ATP9B: variants seen among roughly 807,000 people sequenced by gnomAD.
ATP9B encodes ATPase phospholipid transporting 9B.
In ATP9B, 110 loss-of-function variants were observed where a neutral mutation model predicts 146.1. The observed-to-expected ratio is 0.75, with a 90% CI of 0.65 to 0.88. The LOEUF (loss-of-function observed/expected upper bound fraction) is 0.88, where lower values mean the gene tolerates loss of function less well. Among genes scored for constraint, ATP9B ranks in the 40% least tolerant of loss-of-function variants. The pLI, the probability that ATP9B is intolerant of heterozygous loss-of-function variation, is 0.00. For missense variants in ATP9B, 1,499 were observed against 1,496.4 expected, an observed-to-expected ratio of 1.00 and a Z score of -0.03; for synonymous variants, 604 against 569.7, an observed-to-expected ratio of 1.06 and a Z score of -0.86.
chr18:79,271,912 C>G (rs1312635900), intron 12 of ATP9B, among the ~76,000 whole-genome samples: 1 of 152,142 alleles, frequency 6.6e-6, no homozygotes, highest in Non-Finnish European at 1.5e-5. Flanking sequence ...TGTTTCCTGA[C>G]TTTCTAATGA....
At chr18:79,104,405 G>A (rs1449296799) in intron 2 of ATP9B, among the ~76,000 whole-genome samples, 2 of 152,128 alleles carry the variant, frequency 1.3e-5, no homozygotes, top group African/African-American at 4.8e-5. Flanking sequence ...CAGACCCTGT[G>A]TGTTGTGGAA....
rs939843980 is a variant in ATP9B, at chr18:79,069,419, C to T, written c.9C>T (p.Asp3=). Residue 3 remains aspartate, a synonymous_variant, in exon 1 of 30, where the codon GAC becomes GAT. Transcript: ENST00000426216. MA[D]QIPLYPVRSA... The stretch of plus-strand genomic sequence containing the variant: ...AAAGGGGCGGTCGGAACATGGCGGA[C>T]CAGATCCCGCTTTACCCGGTGCGTA... The T allele has an allele frequency of 3.3e-6, 5 of 1,517,804 alleles. No homozygotes were observed. Among genetic ancestry groups the T allele is most frequent in the Non-Finnish European group, 4.4e-6 (5 of 1,135,958 alleles). 94.0% of individuals were successfully genotyped at this position (1,517,804 alleles called of 1,614,324 possible). A position where few individuals can be genotyped will look rare whatever the true frequency, so the allele number is the denominator to read the frequency against.
intron 7 of ATP9B, among the ~76,000 whole-genome samples, chr18:79,156,541 A>G (rs1444992317): frequency 6.6e-6 from 1 of 152,166 alleles, no homozygotes; most frequent in Non-Finnish European, 1.5e-5. Context: ...CCATTATCAA[A>G]TGGACTCTAT....
intron 11 of ATP9B, among the ~76,000 whole-genome samples, chr18:79,221,924 G>T (rs1394599692): frequency 4.7e-4 from 29 of 62,084 alleles, no homozygotes; most frequent in Admixed American, 1.2e-3. Context: ...TTTTTTAGCT[G>T]CTTTAAAAAA....
chr18:79,111,550 G>T (rs373105347), intron 3 of ATP9B, among the ~76,000 whole-genome samples: 1 of 152,052 alleles, frequency 6.6e-6, no homozygotes, highest in Admixed American at 6.5e-5. Context: ...ATAAATATTC[G>T]CATCTTTATT....
At chr18:79,342,209 C>A in intron 19 of ATP9B, 59 bp from the exon 20 acceptor site, 1 of 1,321,560 alleles carries the variant, frequency 7.6e-7, no homozygotes, top group African/African-American at 1.4e-5. Context: ...TTATGTGAGA[C>A]ATCAGAAATG....
chr18:79,366,532 A>G (rs1236101196), intron 26 of ATP9B, among the ~76,000 whole-genome samples: 1 of 152,224 alleles, frequency 6.6e-6, no homozygotes, highest in Non-Finnish European at 1.5e-5. Context: ...TCTCCCTGTT[A>G]GCGATGAAGT....
chr18:79,363,113 A>G (rs569452949), intron 26 of ATP9B: 1 of 152,370 alleles, frequency 6.6e-6, no homozygotes, highest in East Asian at 1.9e-4. Flanking sequence ...CCACACACAT[A>G]CAACCTCCTA....
chr18:79,177,565 G>T (rs575245392), intron 8 of ATP9B, among the ~76,000 whole-genome samples: 7 of 152,130 alleles, frequency 4.6e-5, no homozygotes, highest in Non-Finnish European at 8.8e-5. Context: ...TTCTTATTTG[G>T]CTGTGTGCTC....
chr18:79,320,919 C>T (rs745376084), intron 15 of ATP9B, among the ~76,000 whole-genome samples: 6 of 151,900 alleles, frequency 3.9e-5, no homozygotes, highest in Non-Finnish European at 5.9e-5. Context: ...GGGTTTTATG[C>T]GGGGAGGGAG....
chr18:79,174,245 TGTAATG>T (rs2095125590), intron 7 of ATP9B: 2 of 371,044 alleles, frequency 5.4e-6, no homozygotes, highest in Non-Finnish European at 1.1e-5. Flanking sequence ...GAAGCTATAG[TGTAATG>T]GACTGCTGCG....
chr18:79,319,287 A>G (rs1263446074), intron 15 of ATP9B, among the ~76,000 whole-genome samples: 2 of 152,256 alleles, frequency 1.3e-5, no homozygotes, highest in African/African-American at 4.8e-5. Flanking sequence ...GAAGTGCTTC[A>G]ATAAGAAAAT....
At chr18:79,237,028 C>G (rs1182124149) in intron 11 of ATP9B, among the ~76,000 whole-genome samples, 1 of 38,256 alleles carries the variant, frequency 2.6e-5, no homozygotes, top group African/African-American at 1.7e-4. Flanking sequence ...GGTCCGTGCA[C>G]GAGTCAGTGT....
At chr18:79,232,299 C>T (rs2095800212) in intron 11 of ATP9B, among the ~76,000 whole-genome samples, 1 of 152,214 alleles carries the variant, frequency 6.6e-6, no homozygotes, top group African/African-American at 2.4e-5. Context: ...TAGCATGCTC[C>T]TCCTTCCCCA....
At chr18:79,165,687 T>C (rs1235025036) in intron 7 of ATP9B, among the ~76,000 whole-genome samples, 1 of 152,086 alleles carries the variant, frequency 6.6e-6, no homozygotes, top group African/African-American at 2.4e-5. Flanking sequence ...CCCAGCTCCA[T>C]GTGCAGGAAG....
At chr18:79,253,682 ATTC>A (rs1400684627) in intron 12 of ATP9B, 141 bp downstream of exon 12, 4 of 909,110 alleles carry the variant, frequency 4.4e-6, no homozygotes, top group Non-Finnish European at 6.3e-6. Context: ...ATCTTGAGGA[ATTC>A]TTCTGTGGAA....
chr18:79,371,979 C>T (rs2097073752), intron 26 of ATP9B, among the ~76,000 whole-genome samples: 1 of 152,240 alleles, frequency 6.6e-6, no homozygotes. Flanking sequence ...GACGTCTGCT[C>T]TGTGTAACTG....
chr18:79,129,871 G>A (rs180775579), intron 5 of ATP9B, among the ~76,000 whole-genome samples: 2 of 152,170 alleles, frequency 1.3e-5, no homozygotes, highest in African/African-American at 4.8e-5. Flanking sequence ...AGCCTCCTGA[G>A]TAGCTGGAAT....
At chr18:79,172,515 G>C (rs2095091025) in intron 7 of ATP9B, among the ~76,000 whole-genome samples, 1 of 112,212 alleles carries the variant, frequency 8.9e-6, no homozygotes, top group Admixed American at 8.3e-5. Context: ...GAGCCACCGT[G>C]CCCCGCCCTT....
Sources: allele counts gnomAD v4.1 joint callset (sites outside exome capture counted in the v4.1 genomes callset), GRCh38; gene constraint gnomAD v4.1.1; transcripts MANE v1.5; gene names NCBI Gene and HGNC (gene_info 2026-07-23, HGNC 2026-07-21).